The following FBXL17 variants were observed in gnomAD, a reference collection of about 807,000 sequenced individuals.
FBXL17 encodes the protein F-box and leucine rich repeat protein 17.
A neutral mutation model predicts 66.2 loss-of-function variants in FBXL17; 22 were observed. That is an observed-to-expected ratio of 0.33 (90% CI 0.24 to 0.47). The LOEUF (loss-of-function observed/expected upper bound fraction) is 0.47, where lower values mean the gene tolerates loss of function less well. Ranked by LOEUF, FBXL17 falls within the 20% of genes least tolerant of loss-of-function variation. The pLI is 1.00. For synonymous variants in FBXL17, 474 were observed against 400.5 expected (o/e 1.18, Z -2.19); for missense variants, 878 against 948.2 (o/e 0.93, Z 0.97).
At chr5:107,927,828 G>C (rs1263033035) in intron 7 of FBXL17, among the ~76,000 whole-genome samples, 1 of 152,066 alleles carries the variant, frequency 6.6e-6, no homozygotes, top group Non-Finnish European at 1.5e-5. Flanking sequence ...TGTGTTCCAA[G>C]AAGTTAAGAA....
At chr5:108,296,370 A>G (rs1336538690) in intron 4 of FBXL17, among the ~76,000 whole-genome samples, 1 of 151,960 alleles carries the variant, frequency 6.6e-6, no homozygotes, top group Non-Finnish European at 1.5e-5. Context: ...TGACTTTGTT[A>G]TGAAATATAA....
At chr5:108,214,462 G>A (rs1202856159) in intron 5 of FBXL17, among the ~76,000 whole-genome samples, 1 of 151,270 alleles carries the variant, frequency 6.6e-6, no homozygotes, top group South Asian at 2.1e-4. Context: ...CCACCTCCCG[G>A]GTTCAAGAGA....
chr5:108,045,990 T>C (rs1009583980), intron 6 of FBXL17, among the ~76,000 whole-genome samples: 2 of 152,232 alleles, frequency 1.3e-5, no homozygotes, highest in Non-Finnish European at 2.9e-5. Context: ...GATAGTGTTA[T>C]TGAGATCATT....
At chr5:107,863,798 C>G (rs1748200398) in intron 8 of FBXL17, among the ~76,000 whole-genome samples, 1 of 152,178 alleles carries the variant, frequency 6.6e-6, no homozygotes, top group African/African-American at 2.4e-5. Context: ...TTGAGGAACT[C>G]ACATTCAGCT....
intron 4 of FBXL17, among the ~76,000 whole-genome samples, chr5:108,232,252 A>G (rs887846490): frequency 1.4e-4 from 21 of 152,104 alleles, no homozygotes; most frequent in African/African-American, 5.1e-4. Context: ...ACTTTATGTA[A>G]TGGTATTTGG....
At chr5:108,055,314 GA>G (rs1561388326) in intron 6 of FBXL17, among the ~76,000 whole-genome samples, 1 of 43,814 alleles carries the variant, frequency 2.3e-5, no homozygotes, top group South Asian at 6.7e-4. Flanking sequence ...AAAAAAAAAA[GA>G]AAAACGCTTC....
chr5:107,947,830 C>T (rs1017290933), intron 7 of FBXL17, among the ~76,000 whole-genome samples: 1 of 152,060 alleles, frequency 6.6e-6, no homozygotes, highest in Non-Finnish European at 1.5e-5. Flanking sequence ...CTTTACAGAG[C>T]TAAAGTTCTA....
At chr5:108,347,113 T>G (rs1747330302) in intron 4 of FBXL17, among the ~76,000 whole-genome samples, 1 of 152,164 alleles carries the variant, frequency 6.6e-6, no homozygotes, top group South Asian at 2.1e-4. Context: ...ATTAGGTAAT[T>G]TTGTCATTGT....
chr5:108,019,438 T>G (rs1230839514), intron 7 of FBXL17, among the ~76,000 whole-genome samples: 1 of 152,112 alleles, frequency 6.6e-6, no homozygotes, highest in Non-Finnish European at 1.5e-5. Flanking sequence ...AACAACATTT[T>G]ACACTGCAGA....
intron 3 of FBXL17, among the ~76,000 whole-genome samples, chr5:108,360,299 C>T (rs912426875): frequency 3.3e-5 from 5 of 152,116 alleles, no homozygotes; most frequent in African/African-American, 1.2e-4. Context: ...TTAGCTTTTG[C>T]TTATCTGGAA....
chr5:108,176,598 T>A (rs990174560), intron 6 of FBXL17, among the ~76,000 whole-genome samples: 6 of 152,098 alleles, frequency 3.9e-5, no homozygotes, highest in Non-Finnish European at 8.8e-5. Flanking sequence ...CACATCAAAT[T>A]CAGTCCCATC....
chr5:108,246,879 T>C (rs776100582), intron 4 of FBXL17, among the ~76,000 whole-genome samples: 1 of 152,204 alleles, frequency 6.6e-6, no homozygotes, highest in Non-Finnish European at 1.5e-5. Context: ...AATGATGTAT[T>C]TGGATTAGTT....
At chr5:108,248,844 G>GA (rs966118584) in intron 4 of FBXL17, among the ~76,000 whole-genome samples, 1 of 151,430 alleles carries the variant, frequency 6.6e-6, no homozygotes, top group East Asian at 1.9e-4. Context: ...TCTATATCCA[G>GA]AAAAAAAATA....
intron 7 of FBXL17, among the ~76,000 whole-genome samples, chr5:107,891,774 T>C (rs1749204757): frequency 6.6e-6 from 1 of 152,222 alleles, no homozygotes; most frequent in South Asian, 2.1e-4. Flanking sequence ...TGATTTCTTC[T>C]ACTGCATATA....
At chr5:108,322,857 A>G (rs1349952579) in intron 4 of FBXL17, among the ~76,000 whole-genome samples, 1 of 151,940 alleles carries the variant, frequency 6.6e-6, no homozygotes, top group Non-Finnish European at 1.5e-5. Flanking sequence ...AGACTCCTGG[A>G]AAAAAAGATC....
At chr5:108,082,664 A>G (rs1177190133) in intron 6 of FBXL17, among the ~76,000 whole-genome samples, 1 of 152,226 alleles carries the variant, frequency 6.6e-6, no homozygotes, top group African/African-American at 2.4e-5. Flanking sequence ...ATGACAGTCC[A>G]GAGTGATCAT....
chr5:108,129,670 A>C (rs779710738), intron 6 of FBXL17, among the ~76,000 whole-genome samples: 1 of 152,032 alleles, frequency 6.6e-6, no homozygotes, highest in Non-Finnish European at 1.5e-5. Context: ...TGGTAGTTAC[A>C]TAACTCCTGA....
At chr5:107,880,122 T>C (rs967852685) in intron 8 of FBXL17, 15 of 169,382 alleles carry the variant, frequency 8.9e-5, no homozygotes, top group African/African-American at 5.1e-4. Flanking sequence ...GCTGAGGTGG[T>C]TGCGGCACAA....
At chr5:108,167,112 T>G (rs1752442633) in intron 6 of FBXL17, among the ~76,000 whole-genome samples, 1 of 152,164 alleles carries the variant, frequency 6.6e-6, no homozygotes, top group Admixed American at 6.5e-5. Context: ...TTTGTCCATT[T>G]AATCTGAAAA....
Sources: allele counts gnomAD v4.1 joint callset (sites outside exome capture counted in the v4.1 genomes callset), GRCh38; gene constraint gnomAD v4.1.1; transcripts MANE v1.5; gene names NCBI Gene and HGNC (gene_info 2026-07-23, HGNC 2026-07-21).